Variants in TM2D2 observed in about 807,000 individuals in gnomAD.
The protein encoded by TM2D2 is TM2 domain-containing protein 2.
Under a neutral mutation model 23.0 loss-of-function variants are expected in TM2D2, and 19 were observed. The observed-to-expected ratio is 0.82, with a 90% CI of 0.58 to 1.21. The LOEUF (loss-of-function observed/expected upper bound fraction) is 1.21. TM2D2 is among the 50% of genes most tolerant of loss of function. The probability of loss-of-function intolerance (pLI) is 0.00; values close to 1 mark genes in which losing one functional copy is unlikely to be tolerated. For synonymous variants in TM2D2, 120 were observed against 108.8 expected (o/e 1.10, Z -0.64); for missense variants, 246 against 265.4 (o/e 0.93, Z 0.51).
intron 3 of TM2D2, among the ~76,000 whole-genome samples, chr8:38,992,411 G>A (rs570189809): frequency 1.5e-3 from 229 of 149,900 alleles, no homozygotes; most frequent in African/African-American, 5.4e-3. Flanking sequence ...CCAGGAGGTC[G>A]AGGCTGCAGT....
Position 38,996,285 on chromosome 8 carries a change from G to A in TM2D2, c.155C>T (p.Pro52Leu), listed in dbSNP as rs773953440. The A allele has an allele frequency of 2.3e-5, 37 of 1,613,894 alleles. No individual in the cohort carries two copies. The Admixed American group carries it at 6.0e-4, about 26-fold the overall frequency. ...GCTCGCAGCACCCCCGGGGCCCTCC[G>A]GCTGGGCGGCGCCAGCGGATGTGAG... The part of the protein sequence containing the change: ...PELTSAGAAQ[P>L]EGPGGAASWE... Residue 52 changes from proline (P) to leucine (L), a missense_variant, in exon 1 of 4, where the codon CCG becomes CTG. Around this residue, in one of 2 missense-constraint regions of TM2D2, gnomAD observed 212 missense variants for 202.2 expected, o/e 1.05. Transcript: ENST00000456397.
Position 38,993,643 on chromosome 8 carries a change from G to A in TM2D2, c.333C>T (p.Tyr111=), listed in dbSNP as rs1835670712. Residue 111 remains tyrosine, a synonymous_variant, in exon 3 of 4, where the codon TAC becomes TAT. Transcript: ENST00000456397. ...YGCLKFGGQA[Y]SDVEHTSVQC... ...GGACTGAAGTGTGTTCCACGTCGCT[G>A]TAGGCCTGACCGCCGAACTGTGGAA... 6.2e-7 allele frequency: 1 copy of A among 1,613,472 alleles called. No homozygotes were observed. Among genetic ancestry groups the A allele is most frequent in the African/African-American group, 1.3e-5 (1 of 75,020 alleles).
chr8:38,995,461 T>TAA (rs1172570292), intron 1 of TM2D2, 56 bp from the exon 2 acceptor site: 1 of 1,599,202 alleles, frequency 6.3e-7, no homozygotes, highest in Admixed American at 1.8e-5. Flanking sequence ...CAAATCGCTG[T>TAA]TTGCATGCAC....
chr8:38,991,565 A>G lies in TM2D2; in HGVS notation c.432-20T>C. ...GTATACCTAGGTGAAAGGAATGAAA[A>G]GGAAGATGTTTTACTGCACGAAAAT... On this transcript the variant is annotated intron_variant, in intron 3 of 3. Transcript: ENST00000456397. The G allele has an allele frequency of 6.3e-7, 1 of 1,587,090 alleles. No individual in the cohort carries two copies. Among genetic ancestry groups the G allele is most frequent in the Non-Finnish European group, 8.7e-7 (1 of 1,155,834 alleles).
chr8:38,993,437 C>CA, intron 3 of TM2D2, 108 bp downstream of exon 3: 1 of 734,426 alleles, frequency 1.4e-6, no homozygotes, highest in Admixed American at 2.8e-5. Context: ...GCCTGGGTAA[C>CA]AGAGTGAGAC....
Position 38,989,889 on chromosome 8 carries a change from C to T in TM2D2, c.*1443G>A, listed in dbSNP as rs138189041. 7.9e-5 allele frequency: 12 copies of T among 151,562 alleles called. 1 individual carries two copies. The East Asian group carries it at 1.9e-3, about 24-fold the overall frequency. The allele number at this position is 151,562 out of a possible 1,614,324, so 9.4% of individuals were successfully genotyped here. A position where few individuals can be genotyped will look rare whatever the true frequency, so the allele number is the denominator to read the frequency against. ...TCATGCATAAATTGTGTAGATGAAC[C>T]CAAGTTCTATGTAAATTCTGTGTAT... On this transcript the variant is annotated 3_prime_UTR_variant, in exon 4 of 4. Coordinates refer to ENST00000456397, the MANE Select transcript of TM2D2 (RefSeq NM_078473.3).
intron 3 of TM2D2, among the ~76,000 whole-genome samples, chr8:38,993,237 A>G (rs767518632): frequency 5.3e-5 from 8 of 152,240 alleles, no homozygotes; most frequent in Non-Finnish European, 1.2e-4. Context: ...GCTTCTGTCA[A>G]TGAATTATGC....
rs777555698 is a variant in TM2D2, at chr8:38,995,297, T to TA, written c.315+20dup. Reference sequence around the variant, plus strand: ...ATTTCGTTATCGAAGGGTTTGCTCTTACGACAAAACAAAAACTCACCTTGA... The same window carrying TA: ...ATTTCGTTATCGAAGGGTTTGCTCTTAACGACAAAACAAAAACTCACCTTGA... On this transcript the variant is annotated intron_variant, in intron 2 of 3. Transcript: ENST00000456397. The TA allele has an allele frequency of 8.4e-6, 13 of 1,546,046 alleles. No homozygotes were observed. In the African/African-American group the frequency reaches 1.5e-4, roughly 18 times the overall value.
chr8:38,992,494 A>C (rs1835632823), intron 3 of TM2D2, among the ~76,000 whole-genome samples: 1 of 151,926 alleles, frequency 6.6e-6, no homozygotes, highest in Non-Finnish European at 1.5e-5. Context: ...TCCAAAAAAA[A>C]AAAAATACGC....
chr8:38,996,851 TC>T (rs914049894), upstream of TM2D2: 54 of 1,451,728 alleles, frequency 3.7e-5, no homozygotes, highest in Non-Finnish European at 4.3e-5. Flanking sequence ...ACTGGATTTT[TC>T]CCTACGTCAG....
At position 38,991,294 on chromosome 8, in the gene TM2D2, C is replaced by T. The variant is rs1487223474; in HGVS notation, c.*38G>A. On this transcript the variant is annotated 3_prime_UTR_variant, in exon 4 of 4. Coordinates refer to ENST00000456397, the MANE Select transcript of TM2D2 (RefSeq NM_078473.3). ...GTAGAGATGAATTCAGAAGACGGAG[C>T]TTTCACCCGCCTCCCTGGGCCATGA... 1.3e-6 allele frequency: 2 copies of T among 1,559,706 alleles called. No homozygotes were observed. The highest frequency in any genetic ancestry group is 1.7e-5 in the Admixed American group (1 of 57,448).
In TM2D2 at chr8:38,990,906, G is replaced by A. The variant is rs1835580888; in HGVS notation, c.*426C>T. On this transcript the variant is annotated 3_prime_UTR_variant, in exon 4 of 4. Transcript: ENST00000456397. ...TCTATTTCTGCTGAAGATTTTCATT[G>A]TTCAGCTTCAGATCTCCTTGCATGA... is the stretch of plus-strand genomic sequence containing the variant. 1 of 180,336 alleles carries A rather than the reference G, an allele frequency of 5.5e-6. No homozygotes were observed. Among genetic ancestry groups the A allele is most frequent in the Admixed American group, 5.6e-5 (1 of 17,898 alleles). 11.2% of individuals were successfully genotyped at this position (180,336 alleles called of 1,614,324 possible). A position where few individuals can be genotyped will look rare whatever the true frequency, so the allele number is the denominator to read the frequency against.
At chr8:38,993,707 A>C in intron 2 of TM2D2, 47 bp from the exon 3 acceptor site, 1 of 1,358,632 alleles carries the variant, frequency 7.4e-7, no homozygotes, top group Non-Finnish European at 1.0e-6. Flanking sequence ...AGAGCAAGTG[A>C]CACAAACATC....
chr8:38,991,896 C>T (rs1835613540), intron 3 of TM2D2, among the ~76,000 whole-genome samples: 1 of 152,164 alleles, frequency 6.6e-6, no homozygotes, highest in Non-Finnish European at 1.5e-5. Context: ...TAGTTTAGAA[C>T]TGGCTAGTTT....
intron 2 of TM2D2, 184 bp from the exon 3 acceptor site, chr8:38,993,844 G>T: frequency 2.4e-6 from 1 of 420,246 alleles, no homozygotes; most frequent in Non-Finnish European, 4.4e-6. Context: ...CATCTTAAAG[G>T]TACACTGTCT....
intron 3 of TM2D2, among the ~76,000 whole-genome samples, chr8:38,993,120 A>G (rs4733898): frequency 0.8 from 122,478 of 152,160 alleles, 49,462 homozygotes; most frequent in East Asian, 0.95. Context: ...TTCTGTAGAT[A>G]AGGGATAAAC....
At chr8:38,996,958 G>A, upstream of TM2D2, 1 of 1,479,396 alleles carries the variant, frequency 6.8e-7, no homozygotes, top group Non-Finnish European at 9.1e-7. Flanking sequence ...CGTCGGGCGC[G>A]CGCGCTTCCC....
rs373467896 is a variant in TM2D2 at position 38,996,483 on chromosome 8, C to G, written c.-44G>C. 6.2e-7 allele frequency: 1 copy of G among 1,611,316 alleles called. No individual in the cohort carries two copies. The highest frequency in any genetic ancestry group is 1.7e-5 in the Admixed American group (1 of 59,890). On this transcript the variant is annotated 5_prime_UTR_variant, in exon 1 of 4. Transcript: ENST00000456397. ...GGAGACCCGGCCTCAACCACAACCC[C>G]AGGCCAGCAGCACAGACCCAAGAAC... is the stretch of plus-strand genomic sequence containing the variant.
chr8:38,996,335 C>A lies in TM2D2; in HGVS notation c.105G>T (p.Ser35=). 6.2e-7 allele frequency: 1 copy of A among 1,614,146 alleles called. No homozygotes were observed. The highest frequency in any genetic ancestry group is 1.1e-5 in the South Asian group (1 of 91,088). The change falls in exon 1 of 4, where the codon TCG becomes TCT. Residue 35 remains serine, a synonymous_variant. Transcript: ENST00000456397. ...LLLHCVSRSH[S]QNATAEPELT... ...GCTCAGGCTCAGCGGTCGCATTTTG[C>A]GAGTGGCTCCGAGACACACAATGCA...
Sources: allele counts gnomAD v4.1 joint callset (sites outside exome capture counted in the v4.1 genomes callset), GRCh38; gene constraint gnomAD v4.1.1; regional missense constraint gnomAD v4.1.1; transcripts MANE v1.5; gene names NCBI Gene and HGNC (gene_info 2026-07-23, HGNC 2026-07-21).